Variants in CENPV observed in about 807,000 individuals in gnomAD.
The protein encoded by CENPV is nuclear protein p30.
A neutral mutation model predicts 26.4 loss-of-function variants in CENPV; 15 were observed. The observed-to-expected ratio is 0.57, with a 90% CI of 0.38 to 0.88. CENPV has a LOEUF of 0.88. CENPV is among the 40% of genes least tolerant of loss of function. CENPV has a pLI of 0.00. For synonymous variants in CENPV, 172 were observed against 165.5 expected, an observed-to-expected ratio of 1.04 and a Z score of -0.30; for missense variants, 336 against 376.5, an observed-to-expected ratio of 0.89 and a Z score of 0.89.
chr17:16,346,493 G>A (rs1313225753), intron 3 of CENPV, among the ~76,000 whole-genome samples: 1 of 152,218 alleles, frequency 6.6e-6, no homozygotes, highest in Non-Finnish European at 1.5e-5. Flanking sequence ...GCTCACGCCT[G>A]TAATCCCAGC....
chr17:16,353,005 C>T lies in CENPV; in HGVS notation c.410+22G>A, dbSNP rs753020431. On this transcript the variant is annotated intron_variant, in intron 1 of 4. Coordinates refer to ENST00000299736, the MANE Select transcript of CENPV (RefSeq NM_181716.3). The stretch of plus-strand genomic sequence containing the variant: ...GGTCCGCGTGGCAACGGCTCCCGCG[C>T]CCCCCGGCCCGCCGCACTCACAAGG... 18 of 1,533,562 alleles carry T rather than the reference C, an allele frequency of 1.2e-5. 1 individual carries two copies. In the African/African-American group the frequency reaches 1.9e-4, roughly 16 times the overall value. The allele number at this position is 1,533,562 out of a possible 1,614,324, so 95.0% of individuals were successfully genotyped here.
At chr17:16,342,974 C>G in intron 4 of CENPV, 33 bp from the exon 5 acceptor site, 1 of 1,613,720 alleles carries the variant, frequency 6.2e-7, no homozygotes. Flanking sequence ...AAGGGGGATC[C>G]TCAGTATGGG....
chr17:16,349,552 C>A, intron 2 of CENPV: 2 of 1,003,184 alleles, frequency 2.0e-6, no homozygotes, highest in South Asian at 4.4e-5. Context: ...TACTAACATA[C>A]CCTCCAACTC....
chr17:16,343,511 T>C (rs2093191544), intron 4 of CENPV, among the ~76,000 whole-genome samples: 2 of 152,158 alleles, frequency 1.3e-5, no homozygotes, highest in Non-Finnish European at 2.9e-5. Flanking sequence ...TTTGCATTTT[T>C]AGTAAAGATG....
Position 16,344,562 on chromosome 17 carries a change from T to A in CENPV, c.694+35A>T. The A allele has an allele frequency of 3.1e-6, 4 of 1,280,442 alleles. No individual in the cohort carries two copies. In the South Asian group the frequency reaches 5.8e-5, roughly 19 times the overall value. The allele number at this position is 1,280,442 out of a possible 1,614,324, so 79.3% of individuals were successfully genotyped here. A position where few individuals can be genotyped will look rare whatever the true frequency, so the allele number is the denominator to read the frequency against. On this transcript the variant is annotated intron_variant, in intron 4 of 4. Coordinates refer to ENST00000299736, the MANE Select transcript of CENPV (RefSeq NM_181716.3). Reference sequence around the variant, plus strand: ...TGAGAGCACCATGGGCCTCTCTGTGTCCCCCTGAGCTTGCAGTCCATCCCC... The same window carrying A: ...TGAGAGCACCATGGGCCTCTCTGTGACCCCCTGAGCTTGCAGTCCATCCCC...
intron 4 of CENPV, chr17:16,344,315 CA>C: frequency 4.5e-6 from 1 of 223,486 alleles, no homozygotes; most frequent in Non-Finnish European, 8.7e-6. Context: ...ACACCATCCC[CA>C]GCAACACCAG....
At chr17:16,347,309 G>A (rs952608983) in intron 3 of CENPV, among the ~76,000 whole-genome samples, 1 of 152,040 alleles carries the variant, frequency 6.6e-6, no homozygotes, top group East Asian at 1.9e-4. Flanking sequence ...GTCCAGAATT[G>A]TGCTTCCTAT....
At chr17:16,352,894 C>T in intron 1 of CENPV, 133 bp downstream of exon 1, 1 of 1,277,832 alleles carries the variant, frequency 7.8e-7, no homozygotes, top group Non-Finnish European at 1.0e-6. Flanking sequence ...ACGGGGGAGC[C>T]GCGTCGGCTC....
At chr17:16,347,708 C>T (rs976594913) in intron 3 of CENPV, 2 of 149,302 alleles carry the variant, frequency 1.3e-5, no homozygotes, top group Non-Finnish European at 3.0e-5. Flanking sequence ...GATGCAGAGA[C>T]AGTGATGGGG....
chr17:16,346,932 C>T (rs1167180257), intron 3 of CENPV, among the ~76,000 whole-genome samples: 3 of 151,806 alleles, frequency 2.0e-5, no homozygotes, highest in Admixed American at 6.6e-5. Flanking sequence ...CTTACTGCAG[C>T]CTTGACCTCC....
chr17:16,346,887 G>T (rs1429571240), intron 3 of CENPV, among the ~76,000 whole-genome samples: 1 of 150,820 alleles, frequency 6.6e-6, no homozygotes, highest in African/African-American at 2.4e-5. Flanking sequence ...ATCTCACTCT[G>T]TTATCCAGGC....
At chr17:16,350,087 T>G in intron 1 of CENPV, 58 bp from the exon 2 acceptor site, 1 of 1,574,788 alleles carries the variant, frequency 6.4e-7, no homozygotes. Context: ...TCCTGCTCTC[T>G]TTTTGTTGCT....
chr17:16,349,657 G>A (rs1486920197), intron 2 of CENPV: 29 of 1,195,282 alleles, frequency 2.4e-5, no homozygotes, highest in Non-Finnish European at 2.9e-5. Flanking sequence ...CGGCTCCTCA[G>A]CAGTGTCAGT....
At chr17:16,350,746 A>G (rs1600908948) in intron 1 of CENPV, 1 of 150,858 alleles carries the variant, frequency 6.6e-6, no homozygotes, top group East Asian at 1.9e-4. Flanking sequence ...TACTCAAATA[A>G]TAATTAATTA....
rs745863074 is a variant in CENPV, at chr17:16,353,128, C to T, written c.309G>A (p.Ala103=). Residue 103 remains alanine (A), a synonymous_variant, in exon 1 of 5, where the codon GCG becomes GCA. Transcript: ENST00000299736. The part of the protein sequence containing the change: ...PPTPATPTSS[A]SNLDLGEQRE... The stretch of plus-strand genomic sequence containing the variant: ...GCTGCTCGCCCAGGTCCAGGTTGGA[C>T]GCCGAGGACGTCGGGGTCGCGGGAG... 5 of 1,523,282 alleles carry T rather than the reference C, an allele frequency of 3.3e-6. No individual in the cohort carries two copies. Among genetic ancestry groups the T allele is most frequent in the Non-Finnish European group, 4.4e-6 (5 of 1,137,460 alleles). 94.4% of individuals were successfully genotyped at this position (1,523,282 alleles called of 1,614,324 possible).
At chr17:16,348,531 G>A in intron 3 of CENPV, 85 bp downstream of exon 3, 1 of 1,593,890 alleles carries the variant, frequency 6.3e-7, no homozygotes. Context: ...CCATGCTACA[G>A]ACGGCATGCT....
chr17:16,353,421 T>G lies in CENPV; in HGVS notation c.16A>C (p.Ser6Arg). The G allele has an allele frequency of 8.6e-7, 1 of 1,166,050 alleles. No individual in the cohort carries two copies. Among genetic ancestry groups the G allele is most frequent in the Non-Finnish European group, 1.1e-6 (1 of 947,810 alleles). 72.2% of individuals were successfully genotyped at this position (1,166,050 alleles called of 1,614,324 possible). MRRSR[S>R]SAAAKLRGQK... ...CCGCGCAGCTTGGCGGCCGCAGAGC[T>G]CCTCGATCGCCGCATGGCTCCCGCA... The change falls in exon 1 of 5, where the codon AGC becomes CGC. Residue 6 changes from serine (S) to arginine (R), a missense_variant. Coordinates refer to ENST00000299736, the MANE Select transcript of CENPV (RefSeq NM_181716.3).
chr17:16,350,005 G>A lies in CENPV; in HGVS notation c.435C>T (p.His145=). ...CTGCTCCACAGTGGCAGCCTCCTGT[G>A]TGCTTCACCAGGCCCTGGTATTCAC... ...DTFEYQGLVK[H]TGGCHCGAVR... Residue 145 remains histidine (H), a synonymous_variant, in exon 2 of 5, where the codon CAC becomes CAT. Coordinates refer to ENST00000299736, the MANE Select transcript of CENPV (RefSeq NM_181716.3). 3 of 1,613,822 alleles carry A rather than the reference G, an allele frequency of 1.9e-6. No homozygotes were observed. The highest frequency in any genetic ancestry group is 2.5e-6 in the Non-Finnish European group (3 of 1,179,956).
At chr17:16,350,084 C>T in intron 1 of CENPV, 55 bp from the exon 2 acceptor site, 2 of 1,581,760 alleles carry the variant, frequency 1.3e-6, no homozygotes, top group Non-Finnish European at 1.7e-6. Flanking sequence ...GCCTCCTGCT[C>T]TCTTTTTGTT....
Sources: gnomAD v4.1 joint callset for allele counts (sites outside exome capture counted in the v4.1 genomes callset) on GRCh38, gnomAD v4.1.1 for gene constraint, MANE v1.5 for transcripts, NCBI Gene and HGNC (gene_info 2026-07-23, HGNC 2026-07-21) for gene names.